The following CDKL4 variants were observed in gnomAD, a reference collection of about 807,000 sequenced individuals.
CDKL4 encodes the protein cyclin dependent kinase like 4, also known as cyclin-dependent kinase-like 4.
Under a neutral mutation model 42.0 loss-of-function variants are expected in CDKL4, and 44 were observed. The observed-to-expected ratio is 1.05, with a 90% CI of 0.82 to 1.35. The LOEUF is 1.35. Ranked by LOEUF, CDKL4 falls within the 40% of genes most tolerant of loss-of-function variation. The probability of loss-of-function intolerance (pLI) is 0.00; values close to 1 mark genes in which losing one functional copy is unlikely to be tolerated. For missense variants in CDKL4, 393 were observed against 369.9 expected (o/e 1.06, Z -0.51); for synonymous variants, 120 against 121.6 (o/e 0.99, Z 0.09).
intron 1 of CDKL4, among the ~76,000 whole-genome samples, chr2:39,241,430 C>G (rs982893281): frequency 6.6e-6 from 1 of 152,108 alleles, no homozygotes; most frequent in Admixed American, 6.5e-5. Context: ...TTTATATTTA[C>G]TTTTATTACA....
At chr2:39,233,375 G>C (rs1395360477) in intron 1 of CDKL4, among the ~76,000 whole-genome samples, 2 of 152,130 alleles carry the variant, frequency 1.3e-5, no homozygotes, top group Non-Finnish European at 2.9e-5. Flanking sequence ...CATTTTTGGG[G>C]AATAAAAGGA....
At chr2:39,245,824 A>C (rs1445996238), upstream of CDKL4, among the ~76,000 whole-genome samples, 2 of 152,212 alleles carry the variant, frequency 1.3e-5, no homozygotes, top group Non-Finnish European at 2.9e-5. Context: ...AGACTTCTGT[A>C]GGTTTTTGCG....
chr2:39,205,388 G>C (rs1327316401), intron 4 of CDKL4, among the ~76,000 whole-genome samples: 1 of 151,896 alleles, frequency 6.6e-6, no homozygotes, highest in Admixed American at 6.6e-5. Context: ...ACATTTAAAT[G>C]ATAACAAAAA....
intron 1 of CDKL4, among the ~76,000 whole-genome samples, chr2:39,238,359 G>C (rs892591716): frequency 2.0e-5 from 3 of 152,178 alleles, no homozygotes; most frequent in African/African-American, 4.8e-5. Flanking sequence ...CCTGAGCCCA[G>C]GAGTTTGAGG....
At chr2:39,234,510 C>T (rs1679255865) in intron 1 of CDKL4, among the ~76,000 whole-genome samples, 1 of 152,030 alleles carries the variant, frequency 6.6e-6, no homozygotes, top group Non-Finnish European at 1.5e-5. Flanking sequence ...ACTGGAGTCC[C>T]TGAAGAAGAC....
At chr2:39,168,507 G>A in the CDKL4 span, among the ~76,000 whole-genome samples, 2 of 152,116 alleles carry the variant, frequency 1.3e-5, no homozygotes, top group Non-Finnish European at 2.9e-5. Context: ...AGGCTGAGGC[G>A]GGTGGATCAC....
At chr2:39,230,863 A>G (rs1322851751) in intron 1 of CDKL4, among the ~76,000 whole-genome samples, 1 of 152,196 alleles carries the variant, frequency 6.6e-6, no homozygotes, top group African/African-American at 2.4e-5. Flanking sequence ...TGAGATTTCA[A>G]AGAACACAAT....
intron 5 of CDKL4, among the ~76,000 whole-genome samples, chr2:39,197,005 CAGA>C (rs1242486127): frequency 1.3e-5 from 2 of 152,084 alleles, no homozygotes; most frequent in African/African-American, 4.8e-5. Context: ...AAAAAGAATT[CAGA>C]AGGTCAACTA....
chr2:39,198,269 A>AAC (rs1214595157), intron 5 of CDKL4, among the ~76,000 whole-genome samples: 1 of 151,704 alleles, frequency 6.6e-6, no homozygotes, highest in East Asian at 1.9e-4. Flanking sequence ...ATAAAAAAAA[A>AAC]AAAACTAGTC....
In CDKL4 at chr2:39,206,195, G is replaced by A. The variant is rs150182719; in HGVS notation, c.364-1578C>T. Among the ~76,000 whole-genome samples the A allele has an allele frequency of 3.9e-3, 591 of 151,958 alleles. 6 individuals are homozygous for A. Among genetic ancestry groups the A allele is most frequent in the African/African-American group, 0.014 (561 of 41,468 alleles). On this transcript the variant is annotated intron_variant, in intron 4 of 9. Transcript: ENST00000451199. The stretch of plus-strand genomic sequence containing the variant: ...CAGCCTCCCGAGTGGCTGGGACTAC[G>A]GATGTGTCCCGAGTAGCTAGGATTA...
chr2:39,213,622 G>T (rs1383026648), intron 3 of CDKL4, 150 bp from the exon 4 acceptor site: 2 of 438,202 alleles, frequency 4.6e-6, no homozygotes, highest in Non-Finnish European at 8.3e-6. Flanking sequence ...TGAAAATTGG[G>T]CTTTACTATC....
rs567189496 is a variant in CDKL4 at position 39,186,644 on chromosome 2, G to T, written c.735+983C>A. On this transcript the variant is annotated intron_variant, in intron 7 of 9. Transcript: ENST00000451199. ...TGATTTGGAGTTTAATGAGTACAAT[G>T]GGGATCATTTTGTAAAACAATCTCC... 1.2e-3 allele frequency among the ~76,000 whole-genome samples: 184 copies of T among 152,248 alleles called. 1 individual carries two copies. Among genetic ancestry groups the T allele is most frequent in the African/African-American group, 4.3e-3 (179 of 41,534 alleles).
intron 5 of CDKL4, among the ~76,000 whole-genome samples, chr2:39,195,410 C>G (rs929846019): frequency 1.3e-5 from 2 of 152,166 alleles, no homozygotes; most frequent in Non-Finnish European, 2.9e-5. Flanking sequence ...CACCATTGTA[C>G]TTTCCCACTA....
intron 3 of CDKL4, among the ~76,000 whole-genome samples, chr2:39,223,348 G>A (rs1483307097): frequency 6.6e-6 from 1 of 151,978 alleles, no homozygotes; most frequent in Admixed American, 6.5e-5. Flanking sequence ...GATGAAAACA[G>A]TTAAAATTTT....
upstream of CDKL4, among the ~76,000 whole-genome samples, chr2:39,246,197 C>A (rs990757740): frequency 1.3e-5 from 2 of 152,198 alleles, no homozygotes; most frequent in African/African-American, 4.8e-5. Flanking sequence ...TTTTCCACTT[C>A]TTTCATTTGC....
At chr2:39,187,836 G>A (rs903135866) in intron 6 of CDKL4, 127 bp from the exon 7 acceptor site, 29 of 623,144 alleles carry the variant, frequency 4.7e-5, no homozygotes, top group African/African-American at 3.0e-4. Flanking sequence ...GAGAGGCTAC[G>A]GCAGGTGGAT....
intron 1 of CDKL4, among the ~76,000 whole-genome samples, chr2:39,235,073 T>A (rs1415923484): frequency 1.3e-5 from 2 of 152,026 alleles, no homozygotes; most frequent in Non-Finnish European, 2.9e-5. Context: ...GATGGGGTCT[T>A]GGTTTGCTGC....
At chr2:39,190,614 T>G in intron 5 of CDKL4, 112 bp from the exon 6 acceptor site, 1 of 823,260 alleles carries the variant, frequency 1.2e-6, no homozygotes, top group Non-Finnish European at 2.0e-6. Context: ...ATGATACTCT[T>G]AAGGGTTAAT....
chr2:39,216,547 C>G (rs181772770), intron 3 of CDKL4, among the ~76,000 whole-genome samples: 1 of 152,156 alleles, frequency 6.6e-6, no homozygotes, highest in Non-Finnish European at 1.5e-5. Flanking sequence ...AACATACATA[C>G]AGAGAGAGAA....
Sources: allele counts gnomAD v4.1 joint callset (sites outside exome capture counted in the v4.1 genomes callset), GRCh38; gene constraint gnomAD v4.1.1; transcripts MANE v1.5; gene names NCBI Gene and HGNC (gene_info 2026-07-23, HGNC 2026-07-21).